The following SANBR variants were observed in gnomAD, a reference collection of about 807,000 sequenced individuals.
SANBR encodes SANT and BTB domain regulator of CSR.
SANBR carries 77 observed loss-of-function variants against 101.8 expected under a neutral mutation model. The observed-to-expected ratio is 0.76, with a 90% CI of 0.63 to 0.91. SANBR has a LOEUF of 0.91. SANBR is among the 40% of genes least tolerant of loss of function. The pLI, the probability that SANBR is intolerant of heterozygous loss-of-function variation, is 0.00. For missense variants in SANBR, 875 were observed against 853.0 expected (o/e 1.03, Z -0.32); for synonymous variants, 279 against 274.7 (o/e 1.02, Z -0.15).
chr2:61,107,711 C>A (rs1476329075), intron 14 of SANBR, among the ~76,000 whole-genome samples: 2 of 152,144 alleles, frequency 1.3e-5, no homozygotes, highest in Non-Finnish European at 2.9e-5. Context: ...GATGGCGAAA[C>A]CCTGTCTTTA....
At chr2:61,120,043 A>G (rs1684258368) in intron 20 of SANBR, among the ~76,000 whole-genome samples, 1 of 152,248 alleles carries the variant, frequency 6.6e-6, no homozygotes, top group Non-Finnish European at 1.5e-5. Flanking sequence ...AAATGCAAAA[A>G]GGAATGGTCA....
At chr2:61,131,831 A>G (rs561387119) in intron 20 of SANBR, among the ~76,000 whole-genome samples, 1 of 152,350 alleles carries the variant, frequency 6.6e-6, no homozygotes, top group East Asian at 1.9e-4. Context: ...GTACTGGTAT[A>G]AGGATAGACA....
In SANBR at chr2:61,120,306, T is replaced by C. The variant is rs765464551; in HGVS notation, c.2029-879T>C. The stretch of plus-strand genomic sequence containing the variant: ...TCACAAAGTCAAGAGATCAAGACCA[T>C]CTGGCCAACATGGTGAAACCCCGTC... On this transcript the variant is annotated intron_variant, in intron 20 of 21. Transcript: ENST00000402291. Among the ~76,000 whole-genome samples the C allele has an allele frequency of 2.6e-4, 39 of 152,028 alleles. 1 individual carries two copies. The highest frequency in any genetic ancestry group is 9.2e-4 in the Admixed American group (14 of 15,264).
At chr2:61,124,529 G>A (rs1031299816), downstream of SANBR, among the ~76,000 whole-genome samples, 2 of 151,730 alleles carry the variant, frequency 1.3e-5, no homozygotes, top group African/African-American at 2.4e-5. Flanking sequence ...GTGAGACCTC[G>A]TCTCTACAAA....
rs1008709422 is a variant in SANBR at position 61,075,540 on chromosome 2, T to A, written c.432-1380T>A. Among the ~76,000 whole-genome samples the A allele has an allele frequency of 4.6e-5, 7 of 152,280 alleles. No homozygotes were observed. The East Asian group carries it at 1.4e-3, about 29-fold the overall frequency. On this transcript the variant is annotated intron_variant, in intron 5 of 21. Coordinates refer to ENST00000402291, the MANE Select transcript of SANBR (RefSeq NM_001129993.3). The stretch of plus-strand genomic sequence containing the variant: ...TCCCAAAGTGCTGGGATTGCAGGCG[T>A]CAGCCACCTTGCCCAGCCGACGTAA...
In SANBR at chr2:61,106,607, A is replaced by T; in HGVS notation, c.1556A>T (p.Asp519Val). 2 of 1,601,508 alleles carry T rather than the reference A, an allele frequency of 1.2e-6. No homozygotes were observed. The highest frequency in any genetic ancestry group is 1.1e-5 in the South Asian group (1 of 87,600). Reference protein sequence around the residue: ...GLCDEKGIECDVLLEPNTPWG... With the variant: ...GLCDEKGIECVVLLEPNTPWG... ...TGTGATGAAAAGGGTATAGAATGTGATGTTTTACTGGAGCCAAATACACCA... is the reference window on the plus strand; with the variant it reads ...TGTGATGAAAAGGGTATAGAATGTGTTGTTTTACTGGAGCCAAATACACCA... The change falls in exon 14 of 22, where the codon GAT (aspartate) becomes GTT (valine). Residue 519 changes from aspartate (D) to valine (V), a missense_variant. Transcript: ENST00000402291.
chr2:61,125,655 C>T (rs1684492993), downstream of SANBR, among the ~76,000 whole-genome samples: 1 of 152,176 alleles, frequency 6.6e-6, no homozygotes, highest in Non-Finnish European at 1.5e-5. Flanking sequence ...TTGCTTCTTA[C>T]TATTTGTTCA....
At chr2:61,117,080 G>C in intron 17 of SANBR, 1 of 436,772 alleles carries the variant, frequency 2.3e-6, no homozygotes, top group Non-Finnish European at 4.1e-6. Context: ...AATTGCATAA[G>C]CTGGGATTCC....
In SANBR at chr2:61,097,808, T is replaced by C; in HGVS notation, c.1321T>C (p.Cys441Arg). 6.2e-7 allele frequency: 1 copy of C among 1,613,618 alleles called. No individual in the cohort carries two copies. The highest frequency in any genetic ancestry group is 2.2e-5 in the East Asian group (1 of 44,818). ...TGTTGGCACTGGAATTTATCCCTGC[T>C]GTAACCAAAAGGTTCTTCGGTTTGA... ...NTVGTGIYPC[C>R]NQKVLRFDPT... is the part of the protein sequence containing the mutation. Residue 441 changes from cysteine to arginine, a missense_variant, in exon 12 of 22, where the codon TGT (cysteine) becomes CGT (arginine). Coordinates refer to ENST00000402291, the MANE Select transcript of SANBR (RefSeq NM_001129993.3).
intron 11 of SANBR, chr2:61,093,186 A>G (rs914750875): frequency 3.9e-5 from 6 of 152,214 alleles, no homozygotes; most frequent in African/African-American, 9.6e-5. Context: ...GGCAAAAGCA[A>G]TGGTGCTGTT....
chr2:61,080,196 C>CAA (rs57117097), intron 6 of SANBR, among the ~76,000 whole-genome samples: 39,314 of 112,848 alleles, frequency 0.35, 6,573 homozygotes, highest in East Asian at 0.48. Context: ...AACTTTGTCT[C>CAA]AAAAAAAAAA....
At chr2:61,097,338 G>A (rs1347770452) in intron 11 of SANBR, among the ~76,000 whole-genome samples, 1 of 152,026 alleles carries the variant, frequency 6.6e-6, no homozygotes, top group African/African-American at 2.4e-5. Flanking sequence ...AGAATTACAC[G>A]CCATAAAATT....
chr2:61,108,406 T>A, intron 15 of SANBR, 57 bp downstream of exon 15: 1 of 1,128,296 alleles, frequency 8.9e-7, no homozygotes, highest in South Asian at 1.4e-5. Flanking sequence ...AATTAAAGTT[T>A]AGTTTAATAG....
At chr2:61,070,604 A>G (rs1381582153) in intron 3 of SANBR, 104 bp downstream of exon 3, 6 of 988,192 alleles carry the variant, frequency 6.1e-6, no homozygotes, top group Non-Finnish European at 9.0e-6. Context: ...TTACATATTC[A>G]AATGCATGTA....
chr2:61,077,361 G>C (rs1043343742), intron 6 of SANBR, among the ~76,000 whole-genome samples: 3 of 152,166 alleles, frequency 2.0e-5, no homozygotes, highest in Non-Finnish European at 2.9e-5. Flanking sequence ...CTCTAGATCA[G>C]CAGTTCCCAA....
chr2:61,120,928 G>C (rs553829156), intron 20 of SANBR, among the ~76,000 whole-genome samples: 2 of 152,256 alleles, frequency 1.3e-5, no homozygotes, highest in South Asian at 4.1e-4. Flanking sequence ...AGGGGAACAA[G>C]GGAATTTTCT....
intron 20 of SANBR, chr2:61,134,073 T>C: frequency 1.9e-6 from 3 of 1,588,648 alleles, no homozygotes; most frequent in Non-Finnish European, 2.6e-6. Context: ...AATCTCTTCT[T>C]GTGTTTGCCT....
intron 12 of SANBR, among the ~76,000 whole-genome samples, chr2:61,103,235 G>A (rs772535052): frequency 3.3e-5 from 5 of 150,670 alleles, no homozygotes; most frequent in East Asian, 2.0e-4. Flanking sequence ...TCCCTGAGCT[G>A]AAGTGATCCT....
intron 8 of SANBR, among the ~76,000 whole-genome samples, chr2:61,086,542 A>G (rs908497367): frequency 3.3e-5 from 5 of 152,282 alleles, no homozygotes; most frequent in African/African-American, 1.2e-4. Flanking sequence ...AGTAGAAAGA[A>G]AGGCAGAAGG....
Sources: allele counts gnomAD v4.1 joint callset (sites outside exome capture counted in the v4.1 genomes callset), GRCh38; gene constraint gnomAD v4.1.1; transcripts MANE v1.5; gene names NCBI Gene and HGNC (gene_info 2026-07-23, HGNC 2026-07-21).